The following PPM1H variants were observed in gnomAD, a reference collection of about 807,000 sequenced individuals.
PPM1H encodes the protein protein phosphatase, Mg2+/Mn2+ dependent 1H.
A neutral mutation model predicts 54.9 loss-of-function variants in PPM1H; 27 were observed. The observed-to-expected ratio is 0.49, with a 90% confidence interval of 0.36 to 0.68. PPM1H has a LOEUF of 0.68. Among genes scored for constraint, PPM1H ranks in the 30% least tolerant of loss-of-function variants. The pLI, the probability that PPM1H is intolerant of heterozygous loss-of-function variation, is 0.00. For synonymous variants in PPM1H, 305 were observed against 270.8 expected (o/e 1.13, Z -1.24); for missense variants, 596 against 667.8 (o/e 0.89, Z 1.19).
chr12:62,690,341 A>G (rs774352553), intron 7 of PPM1H, among the ~76,000 whole-genome samples: 1 of 152,184 alleles, frequency 6.6e-6, no homozygotes, highest in Non-Finnish European at 1.5e-5. Flanking sequence ...TTGCCCTCCC[A>G]GAGTTCACCT....
intron 1 of PPM1H, among the ~76,000 whole-genome samples, chr12:62,861,897 A>G (rs914845447): frequency 6.6e-6 from 1 of 152,266 alleles, no homozygotes; most frequent in African/African-American, 2.4e-5. Context: ...AGGAAAGCCA[A>G]GAATCTGTAT....
chr12:62,805,506 ATAT>A (rs1360529759), intron 2 of PPM1H, among the ~76,000 whole-genome samples: 1 of 152,240 alleles, frequency 6.6e-6, no homozygotes, highest in Non-Finnish European at 1.5e-5. Context: ...ATACAATAAG[ATAT>A]TATTCAGCCA....
chr12:62,755,673 C>T (rs969391045), intron 4 of PPM1H: 4 of 664,096 alleles, frequency 6.0e-6, no homozygotes, highest in African/African-American at 5.4e-5. Context: ...ATCAGCATGC[C>T]TCCTGTATCA....
At chr12:62,900,090 G>A (rs537705241) in intron 1 of PPM1H, among the ~76,000 whole-genome samples, 2 of 152,274 alleles carry the variant, frequency 1.3e-5, no homozygotes, top group East Asian at 1.9e-4. Flanking sequence ...TTGTTTATAA[G>A]CACCCAGTCT....
chr12:62,918,538 T>C (rs1871693922), intron 1 of PPM1H, among the ~76,000 whole-genome samples: 1 of 152,210 alleles, frequency 6.6e-6, no homozygotes, highest in Non-Finnish European at 1.5e-5. Flanking sequence ...ATTTTCAATC[T>C]AAACATTGAT....
intron 4 of PPM1H, among the ~76,000 whole-genome samples, chr12:62,766,243 G>A (rs2076542864): frequency 6.6e-6 from 1 of 152,136 alleles, no homozygotes; most frequent in African/African-American, 2.4e-5. Context: ...GGGCTCTATT[G>A]GGGAAAAGAA....
At chr12:62,924,873 C>T (rs1235440436) in intron 1 of PPM1H, among the ~76,000 whole-genome samples, 3 of 152,072 alleles carry the variant, frequency 2.0e-5, no homozygotes. Context: ...AAAACCCCAT[C>T]TCTACCAAAA....
At chr12:62,726,339 C>A (rs1262566655) in intron 5 of PPM1H, among the ~76,000 whole-genome samples, 3 of 152,060 alleles carry the variant, frequency 2.0e-5, no homozygotes, top group Middle Eastern at 3.2e-3. Flanking sequence ...TATATGCACA[C>A]ATGTTTACAC....
At chr12:62,678,339 A>G (rs1484115843) in intron 8 of PPM1H, among the ~76,000 whole-genome samples, 3 of 152,238 alleles carry the variant, frequency 2.0e-5, no homozygotes, top group Non-Finnish European at 4.4e-5. Flanking sequence ...AAACATCCAA[A>G]TGAAATTATT....
At position 62,706,534 on chromosome 12, in the gene PPM1H, T is replaced by C. The variant is rs548770670; in HGVS notation, c.1074-12535A>G. On this transcript the variant is annotated intron_variant, in intron 6 of 9. Coordinates refer to ENST00000228705, the MANE Select transcript of PPM1H (RefSeq NM_020700.2). ...AATGTTTATTATGCAATCTTTTTGT[T>C]CCAGGCACTAAGGATTTATATTTTT... Among the ~76,000 whole-genome samples the C allele has an allele frequency of 1.0e-3, 158 of 152,366 alleles. 1 individual carries two copies. Among genetic ancestry groups the C allele is most frequent in the African/African-American group, 3.6e-3 (150 of 41,582 alleles).
chr12:62,767,317 G>T (rs752303901), intron 4 of PPM1H, among the ~76,000 whole-genome samples: 4 of 152,146 alleles, frequency 2.6e-5, no homozygotes, highest in Non-Finnish European at 5.9e-5. Context: ...GTGTGAAGAG[G>T]TTCCACCAGT....
intron 2 of PPM1H, among the ~76,000 whole-genome samples, chr12:62,811,517 G>C (rs1381411803): frequency 6.6e-6 from 1 of 152,108 alleles, no homozygotes; most frequent in Non-Finnish European, 1.5e-5. Context: ...GGAAGTCTTA[G>C]TTCAAAGGAC....
intron 1 of PPM1H, among the ~76,000 whole-genome samples, chr12:62,881,231 G>A (rs2121044226): frequency 6.6e-6 from 1 of 152,264 alleles, no homozygotes; most frequent in Middle Eastern, 3.4e-3. Context: ...TAGATGGAAG[G>A]GAGATGTGGC....
intron 4 of PPM1H, among the ~76,000 whole-genome samples, chr12:62,780,873 A>T (rs186248828): frequency 2.1e-3 from 317 of 152,332 alleles, no homozygotes; most frequent in Non-Finnish European, 2.5e-3. Flanking sequence ...ACCCTAGCTC[A>T]GCAGCCAGGC....
intron 6 of PPM1H, among the ~76,000 whole-genome samples, chr12:62,701,907 A>T (rs1160505637): frequency 6.6e-6 from 1 of 152,216 alleles, no homozygotes; most frequent in Non-Finnish European, 1.5e-5. Flanking sequence ...CATCCTGCAC[A>T]TTAACTCCAT....
intron 6 of PPM1H, among the ~76,000 whole-genome samples, chr12:62,718,304 G>A (rs1340699894): frequency 2.0e-5 from 3 of 152,094 alleles, no homozygotes; most frequent in African/African-American, 7.2e-5. Flanking sequence ...TTCGTTCCAT[G>A]TTTTCTGCTT....
At chr12:62,700,467 G>A (rs1043765089) in intron 6 of PPM1H, among the ~76,000 whole-genome samples, 12 of 152,146 alleles carry the variant, frequency 7.9e-5, no homozygotes, top group Admixed American at 2.0e-4. Flanking sequence ...GCTAGAACTT[G>A]TCACCTTCTC....
Position 62,831,278 on chromosome 12 carries a change from CTG to C in PPM1H, c.411+834_411+835del, listed in dbSNP as rs1868353230. Reference sequence around the variant, plus strand: ...ATAGTCACATTTGGGTCAGTCCATTCTGTGTCTCCTGATTTTCCCAGGAAACA... The same window carrying C: ...ATAGTCACATTTGGGTCAGTCCATTCTGTCTCCTGATTTTCCCAGGAAACA... On this transcript the variant is annotated intron_variant, in intron 2 of 9. Transcript: ENST00000228705. Among the ~76,000 whole-genome samples the C allele has an allele frequency of 1.3e-5, 2 of 152,272 alleles. 1 individual carries two copies. Among genetic ancestry groups the C allele is most frequent in the Middle Eastern group, 6.8e-3 (2 of 294 alleles).
At chr12:62,871,246 T>C (rs1869966268) in intron 1 of PPM1H, among the ~76,000 whole-genome samples, 1 of 151,926 alleles carries the variant, frequency 6.6e-6, no homozygotes. Flanking sequence ...ACAACATGGA[T>C]GAATCTTGAA....
Sources: allele counts gnomAD v4.1 joint callset (sites outside exome capture counted in the v4.1 genomes callset), GRCh38; gene constraint gnomAD v4.1.1; transcripts MANE v1.5; gene names NCBI Gene and HGNC (gene_info 2026-07-23, HGNC 2026-07-21).